Variants in CPEB1 observed in about 807,000 individuals in gnomAD.
CPEB1 encodes the protein cytoplasmic polyadenylation element binding protein 1.
CPEB1 carries 7 observed loss-of-function variants against 65.8 expected under a neutral mutation model. The observed-to-expected ratio is 0.11, with a 90% confidence interval of 0.06 to 0.20. The LOEUF is 0.20. Ranked by LOEUF, CPEB1 falls within the 10% of genes least tolerant of loss-of-function variation. The pLI, the probability that CPEB1 is intolerant of heterozygous loss-of-function variation, is 1.00. For missense variants in CPEB1, 551 were observed against 712.2 expected (o/e 0.77, Z 2.58); for synonymous variants, 262 against 260.0 (o/e 1.01, Z -0.08).
At chr15:82,647,545 C>T (rs1327270447), upstream of CPEB1, 2 of 293,838 alleles carry the variant, frequency 6.8e-6, no homozygotes, top group Middle Eastern at 9.5e-4. Context: ...CCGGTCAGCT[C>T]CCGTCTGGAC....
In CPEB1 at chr15:82,628,406, C is replaced by A. The variant is rs1255521904; in HGVS notation, c.54G>T (p.Leu18Phe). The change falls in exon 2 of 13, where the codon TTG becomes TTT. Residue 18 changes from leucine (L) to phenylalanine (F), a missense_variant. Transcript: ENST00000684509. Reference sequence around the variant, plus strand: ...GACAATCTGATAGAGATGAGTGCTCCAAACCAGTGCCAGACATGGAAGACG... The same window carrying A: ...GACAATCTGATAGAGATGAGTGCTCAAAACCAGTGCCAGACATGGAAGACG... ...STSSSMSGTG[L>F]EHSSLSDCLL... 4.3e-6 allele frequency: 3 copies of A among 702,746 alleles called. No individual in the cohort carries two copies. Among genetic ancestry groups the A allele is most frequent in the Non-Finnish European group, 7.8e-6 (3 of 384,952 alleles). The allele number at this position is 702,746 out of a possible 1,614,324, so 43.5% of individuals were successfully genotyped here. A position where few individuals can be genotyped will look rare whatever the true frequency, so the allele number is the denominator to read the frequency against.
chr15:82,551,611 G>A (rs147097710), intron 9 of CPEB1, among the ~76,000 whole-genome samples: 213 of 152,146 alleles, frequency 1.4e-3, no homozygotes, highest in Non-Finnish European at 2.6e-3. Context: ...ACTAAAATAG[G>A]CATTTTAGTT....
chr15:82,586,244 A>C (rs1477412106), intron 3 of CPEB1, among the ~76,000 whole-genome samples: 2 of 127,632 alleles, frequency 1.6e-5, no homozygotes, highest in African/African-American at 3.1e-5. Flanking sequence ...TTTCAGATAC[A>C]AAAAAAAAAA....
In CPEB1 at chr15:82,604,475, G is replaced by A. The variant is rs1423668687; in HGVS notation, c.271+22718C>T. Among the ~76,000 whole-genome samples the A allele has an allele frequency of 4.7e-4, 67 of 142,114 alleles. 1 individual carries two copies. The highest frequency in any genetic ancestry group is 3.7e-3 in the South Asian group (17 of 4,566). 93.2% of individuals were successfully genotyped at this position (142,114 alleles called of 152,430 possible). Reference sequence around the variant, plus strand: ...CACTCCAGCCTGGGTGACAGAGCAAGACTCCATCTCAAAAAAAAAAAAAAA... The same window carrying A: ...CACTCCAGCCTGGGTGACAGAGCAAAACTCCATCTCAAAAAAAAAAAAAAA... On this transcript the variant is annotated intron_variant, in intron 3 of 12. Transcript: ENST00000684509.
intron 3 of CPEB1, among the ~76,000 whole-genome samples, chr15:82,616,323 C>A (rs140916308): frequency 4.1e-4 from 63 of 152,072 alleles, no homozygotes; most frequent in East Asian, 1.7e-3. Context: ...TGTTTATGGA[C>A]ATACACAGAG....
chr15:82,604,840 G>T (rs2043421585), intron 3 of CPEB1, among the ~76,000 whole-genome samples: 1 of 152,112 alleles, frequency 6.6e-6, no homozygotes, highest in African/African-American at 2.4e-5. Context: ...GACAGAATAT[G>T]TGAAGAAATA....
At chr15:82,634,371 C>G (rs991460082) in intron 1 of CPEB1, among the ~76,000 whole-genome samples, 1 of 152,122 alleles carries the variant, frequency 6.6e-6, no homozygotes, top group Non-Finnish European at 1.5e-5. Flanking sequence ...CTCCCCAGAC[C>G]CAGCATTGTG....
At chr15:82,564,173 C>T (rs914783201) in intron 4 of CPEB1, among the ~76,000 whole-genome samples, 3 of 152,206 alleles carry the variant, frequency 2.0e-5, no homozygotes, top group Non-Finnish European at 4.4e-5. Flanking sequence ...ACAATGACTG[C>T]TGAATTCTAC....
intron 3 of CPEB1, among the ~76,000 whole-genome samples, chr15:82,582,044 A>G (rs1336290378): frequency 1.3e-5 from 2 of 152,234 alleles, no homozygotes; most frequent in Non-Finnish European, 2.9e-5. Context: ...AAAGGATGTG[A>G]GCATATACCC....
intron 3 of CPEB1, among the ~76,000 whole-genome samples, chr15:82,572,524 T>C (rs1432218437): frequency 6.6e-6 from 1 of 151,960 alleles, no homozygotes; most frequent in Admixed American, 6.5e-5. Context: ...CCCAACAAGA[T>C]GGGTATTAGT....
chr15:82,579,394 A>G (rs2041002774), intron 3 of CPEB1, among the ~76,000 whole-genome samples: 7 of 152,098 alleles, frequency 4.6e-5, no homozygotes, highest in Admixed American at 4.6e-4. Context: ...GCGCCACTGC[A>G]CTCTGGCTTA....
chr15:82,614,127 G>A (rs940907354), intron 3 of CPEB1, among the ~76,000 whole-genome samples: 3 of 152,162 alleles, frequency 2.0e-5, no homozygotes, highest in African/African-American at 7.2e-5. Context: ...TCCTCGGGAG[G>A]CTCCCAGCGT....
intron 3 of CPEB1, among the ~76,000 whole-genome samples, chr15:82,579,148 A>T (rs1227310366): frequency 2.0e-5 from 3 of 152,096 alleles, no homozygotes; most frequent in Admixed American, 6.5e-5. Flanking sequence ...ATTTTAAAAG[A>T]CCTCAATTTA....
intron 6 of CPEB1, among the ~76,000 whole-genome samples, chr15:82,555,209 T>A (rs2036985361): frequency 6.6e-6 from 1 of 152,246 alleles, no homozygotes; most frequent in African/African-American, 2.4e-5. Context: ...TATATAGAGA[T>A]GGGGTCTTGC....
chr15:82,563,640 G>T (rs1225881570), intron 4 of CPEB1, among the ~76,000 whole-genome samples: 1 of 151,672 alleles, frequency 6.6e-6, no homozygotes, highest in Non-Finnish European at 1.5e-5. Context: ...CCGTGCCTGG[G>T]CCAATTATCT....
upstream of CPEB1, chr15:82,647,753 C>T (rs1469456526): frequency 1.7e-5 from 18 of 1,059,762 alleles, no homozygotes; most frequent in Non-Finnish European, 2.2e-5. Context: ...CCGCACGGGG[C>T]GGGGGATGGG....
At chr15:82,614,957 A>G (rs535407446) in intron 3 of CPEB1, among the ~76,000 whole-genome samples, 1 of 152,022 alleles carries the variant, frequency 6.6e-6, no homozygotes, top group Non-Finnish European at 1.5e-5. Context: ...CACTATCACC[A>G]TTTAGTAAGT....
In CPEB1 at chr15:82,632,636, G is replaced by A. The variant is rs147246158; in HGVS notation, c.-97-4080C>T. On this transcript the variant is annotated intron_variant, in intron 1 of 12. Transcript: ENST00000684509. ...GCTCAAGCAATCTTCCTGCCTCAGC[G>A]TCCCAAGTAGCTGGACTACAGACAG... Among the ~76,000 whole-genome samples the A allele has an allele frequency of 1.4e-3, 210 of 151,798 alleles. 1 individual carries two copies. The highest frequency in any genetic ancestry group is 2.3e-3 in the Non-Finnish European group (158 of 67,918).
At chr15:82,628,592 T>A (rs755801940) in intron 1 of CPEB1, 36 bp from the exon 2 acceptor site, 1 of 602,714 alleles carries the variant, frequency 1.7e-6, no homozygotes, top group South Asian at 2.0e-5. Flanking sequence ...TGGTACCACA[T>A]AGAAACATTT....
Sources: gnomAD v4.1 joint callset for allele counts (sites outside exome capture counted in the v4.1 genomes callset) on GRCh38, gnomAD v4.1.1 for gene constraint, MANE v1.5 for transcripts, NCBI Gene and HGNC (gene_info 2026-07-23, HGNC 2026-07-21) for gene names.